Variants in WDR64 observed in about 807,000 individuals in gnomAD.
WDR64 encodes WD repeat domain 64, also known as WD repeat-containing protein 64.
In WDR64, 112 loss-of-function variants were observed where a neutral mutation model predicts 139.3. The observed-to-expected ratio is 0.80, with a 90% CI of 0.69 to 0.94. The LOEUF (loss-of-function observed/expected upper bound fraction) is 0.94, where lower values mean the gene tolerates loss of function less well. Among genes scored for constraint, WDR64 ranks in the 40% least tolerant of loss-of-function variants. WDR64 has a pLI of 0.00. For missense variants in WDR64, 1,206 were observed against 1,293.1 expected (o/e 0.93, Z 1.03); for synonymous variants, 444 against 437.7 (o/e 1.01, Z -0.18).
chr1:241,707,241 A>C (rs1307973822), intron 8 of WDR64, among the ~76,000 whole-genome samples: 1 of 152,082 alleles, frequency 6.6e-6, no homozygotes, highest in Non-Finnish European at 1.5e-5. Flanking sequence ...GCACTCATAA[A>C]TGTTGTTGAC....
chr1:241,772,489 G>GTTTTTTTTTTTTT (rs1658498517), intron 19 of WDR64, among the ~76,000 whole-genome samples: 1 of 62,280 alleles, frequency 1.6e-5, no homozygotes, highest in African/African-American at 5.8e-5. Flanking sequence ...TTGAGACAGA[G>GTTTTTTTTTTTTT]TTTCACTCTG....
chr1:241,799,042 G>A (rs1659445068), intron 27 of WDR64, among the ~76,000 whole-genome samples: 1 of 151,760 alleles, frequency 6.6e-6, no homozygotes. Flanking sequence ...GATGGTATAT[G>A]TGAAAACATA....
chr1:241,774,595 A>G lies in WDR64; in HGVS notation c.2431-510A>G, dbSNP rs181747510. 2.3e-3 allele frequency among the ~76,000 whole-genome samples: 357 copies of G among 152,316 alleles called. 1 individual carries two copies. The highest frequency in any genetic ancestry group is 4.2e-3 in the Non-Finnish European group (286 of 68,020). On this transcript the variant is annotated intron_variant, in intron 20 of 27. Coordinates refer to ENST00000437684, the MANE Select transcript of WDR64 (RefSeq NM_001367482.1). ...AACCTGTTTGAATTTAAATCTCTTA[A>G]CAATTCTTTGTCTTGCACCAGTATT...
At chr1:241,748,105 A>G (rs1309291480) in intron 13 of WDR64, among the ~76,000 whole-genome samples, 1 of 152,232 alleles carries the variant, frequency 6.6e-6, no homozygotes, top group African/African-American at 2.4e-5. Context: ...TCCCACCAGC[A>G]TCCGTCTTAC....
intron 13 of WDR64, among the ~76,000 whole-genome samples, chr1:241,745,647 C>G (rs149234887): frequency 6.9e-6 from 1 of 144,386 alleles, no homozygotes; most frequent in African/African-American, 2.9e-5. Flanking sequence ...GTCAGAGTCT[C>G]ACTGTGTTGC....
chr1:241,723,429 C>A lies in WDR64; in HGVS notation c.1187C>A (p.Ser396Tyr), dbSNP rs1248433038. ...GATCAACATGTCGTCAGCCTTTCCTCTGCAAAGGTAACAAAAAGAAAATAA... is the reference window on the plus strand; with the variant it reads ...GATCAACATGTCGTCAGCCTTTCCTATGCAAAGGTAACAAAAAGAAAATAA... ...EKDQHVVSLS[S>Y]AKVFRVWDIQ... The change falls in exon 10 of 28, where the codon TCT becomes TAT. Residue 396 changes from serine to tyrosine, a missense_variant. Coordinates refer to ENST00000437684, the MANE Select transcript of WDR64 (RefSeq NM_001367482.1). 4 of 1,612,634 alleles carry A rather than the reference C, an allele frequency of 2.5e-6. No individual in the cohort carries two copies. Among genetic ancestry groups the A allele is most frequent in the Non-Finnish European group, 3.4e-6 (4 of 1,179,452 alleles).
At chr1:241,800,982 A>C in intron 27 of WDR64, 150 bp from the exon 28 acceptor site, 1 of 606,484 alleles carries the variant, frequency 1.6e-6, no homozygotes, top group South Asian at 2.2e-5. Flanking sequence ...TTTATCCTGA[A>C]GTCACATAGG....
chr1:241,786,875 A>C (rs1659056594), intron 23 of WDR64, among the ~76,000 whole-genome samples: 2 of 152,224 alleles, frequency 1.3e-5, no homozygotes, highest in Non-Finnish European at 2.9e-5. Context: ...AAAAAGAACA[A>C]GATCATGTCT....
intron 24 of WDR64, 78 bp from the exon 25 acceptor site, chr1:241,790,513 G>C (rs1489101045): frequency 6.6e-6 from 8 of 1,213,696 alleles, no homozygotes; most frequent in Non-Finnish European, 9.5e-6. Context: ...CACCAGAGAA[G>C]GACATAATGG....
chr1:241,798,068 A>G (rs1659415907), intron 27 of WDR64, among the ~76,000 whole-genome samples: 1 of 152,188 alleles, frequency 6.6e-6, no homozygotes, highest in Non-Finnish European at 1.5e-5. Context: ...CTACACTCCA[A>G]TAACCAGAAT....
intron 15 of WDR64, among the ~76,000 whole-genome samples, chr1:241,764,000 T>A (rs1246798783): frequency 6.6e-6 from 1 of 152,084 alleles, no homozygotes; most frequent in Non-Finnish European, 1.5e-5. Context: ...TTCTAGAGGA[T>A]AGTGAAAAGA....
intron 8 of WDR64, among the ~76,000 whole-genome samples, chr1:241,700,355 A>G (rs891195218): frequency 1.3e-4 from 19 of 151,750 alleles, no homozygotes; most frequent in Non-Finnish European, 2.6e-4. Context: ...CTTCTAAAGT[A>G]GTATTGTCAT....
intron 18 of WDR64, among the ~76,000 whole-genome samples, chr1:241,771,303 C>T (rs1034690926): frequency 3.9e-5 from 6 of 152,138 alleles, no homozygotes; most frequent in African/African-American, 1.4e-4. Flanking sequence ...AGAGCTGCCA[C>T]TTAATCTGAG....
At chr1:241,730,889 G>A (rs1558495577) in intron 10 of WDR64, among the ~76,000 whole-genome samples, 1 of 152,136 alleles carries the variant, frequency 6.6e-6, no homozygotes, top group African/African-American at 2.4e-5. Flanking sequence ...AAATTGGACT[G>A]GGAAAATTGA....
chr1:241,755,347 T>C (rs1276526500), intron 14 of WDR64, among the ~76,000 whole-genome samples: 1 of 152,240 alleles, frequency 6.6e-6, no homozygotes, highest in Non-Finnish European at 1.5e-5. Context: ...TTCATGTTTG[T>C]TGGCTGCATA....
chr1:241,745,148 G>T (rs1318956535), intron 13 of WDR64, among the ~76,000 whole-genome samples: 1 of 152,090 alleles, frequency 6.6e-6, no homozygotes, highest in Non-Finnish European at 1.5e-5. Flanking sequence ...CTAAATGAAA[G>T]AACTGCTTTA....
intron 10 of WDR64, among the ~76,000 whole-genome samples, chr1:241,734,879 G>A (rs534345003): frequency 6.6e-6 from 1 of 152,272 alleles, no homozygotes; most frequent in East Asian, 1.9e-4. Flanking sequence ...AGCTAGGTTT[G>A]TGTAAGTATA....
chr1:241,739,461 G>T (rs147065503), intron 11 of WDR64, among the ~76,000 whole-genome samples: 2 of 152,154 alleles, frequency 1.3e-5, no homozygotes, highest in East Asian at 3.9e-4. Flanking sequence ...CCTGGATTAG[G>T]AGTGAACTAG....
At chr1:241,674,591 A>T in intron 3 of WDR64, 53 bp from the exon 4 acceptor site, 2 of 1,185,192 alleles carry the variant, frequency 1.7e-6, no homozygotes, top group East Asian at 2.7e-5. Flanking sequence ...CTAACAAATG[A>T]GTTTCAGCAC....
Sources: allele counts gnomAD v4.1 joint callset (sites outside exome capture counted in the v4.1 genomes callset), GRCh38; gene constraint gnomAD v4.1.1; transcripts MANE v1.5; gene names NCBI Gene and HGNC (gene_info 2026-07-23, HGNC 2026-07-21).